CTNND2: variants seen among roughly 807,000 people sequenced by gnomAD.
CTNND2 encodes the protein catenin delta 2.
CTNND2 carries 22 observed loss-of-function variants against 144.4 expected under a neutral mutation model. The ratio of observed to expected loss-of-function variants is 0.15; its 90% CI spans 0.11 to 0.22. CTNND2 has a LOEUF of 0.22. Among genes scored for constraint, CTNND2 ranks in the 10% least tolerant of loss-of-function variants. The probability of loss-of-function intolerance (pLI) is 1.00; values close to 1 mark genes in which losing one functional copy is unlikely to be tolerated. For missense variants in CTNND2, 1,353 were observed against 1,618.8 expected (o/e 0.84, Z 2.82); for synonymous variants, 751 against 695.6 (o/e 1.08, Z -1.25).
At chr5:11,693,181 G>A (rs995446152) in intron 2 of CTNND2, among the ~76,000 whole-genome samples, 4 of 152,248 alleles carry the variant, frequency 2.6e-5, no homozygotes, top group South Asian at 2.1e-4. Flanking sequence ...ATGAGGACGC[G>A]GGAAAAAGAC....
intron 2 of CTNND2, among the ~76,000 whole-genome samples, chr5:11,656,868 C>T (rs960900642): frequency 1.3e-5 from 2 of 152,094 alleles, no homozygotes; most frequent in Admixed American, 6.6e-5. Flanking sequence ...CAATCACTTT[C>T]GGCCAGATGG....
rs559113887 is a variant in CTNND2, at chr5:11,729,003, T to C, written c.174+3133A>G. Among the ~76,000 whole-genome samples, 81 of 152,206 alleles carry C rather than the reference T, an allele frequency of 5.3e-4. 2 individuals are homozygous for C. Among genetic ancestry groups the C allele is most frequent in the African/African-American group, 1.5e-3 (63 of 41,542 alleles). ...ACAAATCCCCTAATGAAGGATAAGA[T>C]TGGTTGTTTGCATCAGGACATCCCC... On this transcript the variant is annotated intron_variant, in intron 2 of 21. Transcript: ENST00000304623.
rs1451506073 is a variant in CTNND2, at chr5:11,721,220, C to T, written c.174+10916G>A. Reference sequence around the variant, plus strand: ...AGCAATATAAGCCCTTTAGAAAAGACCATATATTTATAATTCCATTTACAT... The same window carrying T: ...AGCAATATAAGCCCTTTAGAAAAGATCATATATTTATAATTCCATTTACAT... On this transcript the variant is annotated intron_variant, in intron 2 of 21. Transcript: ENST00000304623. Among the ~76,000 whole-genome samples the T allele has an allele frequency of 2.0e-5, 3 of 152,090 alleles. No individual in the cohort carries two copies. In the East Asian group the frequency reaches 5.8e-4, roughly 29 times the overall value.
At chr5:11,743,386 G>A (rs749224952) in intron 1 of CTNND2, among the ~76,000 whole-genome samples, 1 of 152,158 alleles carries the variant, frequency 6.6e-6, no homozygotes, top group Non-Finnish European at 1.5e-5. Flanking sequence ...AGAATCCTAG[G>A]ACTAGTTTAA....
intron 3 of CTNND2, among the ~76,000 whole-genome samples, chr5:11,413,244 A>G (rs188622309): frequency 1.3e-5 from 2 of 152,332 alleles, no homozygotes; most frequent in East Asian, 3.9e-4. Flanking sequence ...ATTATATAAT[A>G]GTAACATATA....
intron 1 of CTNND2, among the ~76,000 whole-genome samples, chr5:11,773,438 T>C (rs185486955): frequency 2.8e-4 from 42 of 152,374 alleles, no homozygotes; most frequent in Non-Finnish European, 4.6e-4. Context: ...AATGTAGCCT[T>C]AGCCCCAGAT....
chr5:11,169,011 G>T (rs531211090), intron 11 of CTNND2, among the ~76,000 whole-genome samples: 3 of 152,288 alleles, frequency 2.0e-5, no homozygotes, highest in Admixed American at 2.0e-4. Flanking sequence ...TTAAGTGCTT[G>T]CTCTAGGAAA....
At chr5:11,801,814 G>A (rs1379622590) in intron 1 of CTNND2, among the ~76,000 whole-genome samples, 1 of 152,034 alleles carries the variant, frequency 6.6e-6, no homozygotes, top group Non-Finnish European at 1.5e-5. Context: ...GATCTAAATA[G>A]CAAATGTGTA....
At chr5:11,198,673 T>A (rs917425839) in intron 11 of CTNND2, among the ~76,000 whole-genome samples, 2 of 152,166 alleles carry the variant, frequency 1.3e-5, no homozygotes, top group Non-Finnish European at 2.9e-5. Flanking sequence ...AAACCAAATA[T>A]CACCTAGAAT....
At chr5:11,464,679 T>C (rs1766504314) in intron 3 of CTNND2, among the ~76,000 whole-genome samples, 1 of 152,090 alleles carries the variant, frequency 6.6e-6, no homozygotes, top group Non-Finnish European at 1.5e-5. Flanking sequence ...GGGGCAGAGA[T>C]ATACAGGTGA....
intron 1 of CTNND2, among the ~76,000 whole-genome samples, chr5:11,838,764 T>C (rs1304735736): frequency 6.6e-6 from 1 of 152,222 alleles, no homozygotes; most frequent in African/African-American, 2.4e-5. Context: ...TTCAATGTCT[T>C]TGATATTGTG....
At chr5:11,337,678 G>A (rs914386950) in intron 9 of CTNND2, among the ~76,000 whole-genome samples, 17 of 151,930 alleles carry the variant, frequency 1.1e-4, no homozygotes, top group East Asian at 1.9e-4. Flanking sequence ...ACAACATTGC[G>A]GATAATTATT....
chr5:11,430,995 T>A (rs1763242367), intron 3 of CTNND2, among the ~76,000 whole-genome samples: 1 of 152,208 alleles, frequency 6.6e-6, no homozygotes, highest in African/African-American at 2.4e-5. Flanking sequence ...TTAAAGGATA[T>A]CATAAAGATT....
intron 9 of CTNND2, among the ~76,000 whole-genome samples, chr5:11,309,392 C>G (rs910649145): frequency 4.6e-5 from 7 of 152,204 alleles, no homozygotes; most frequent in African/African-American, 1.7e-4. Flanking sequence ...GACATGGAGT[C>G]AAAGGAGATT....
At chr5:11,756,628 C>T (rs188740747) in intron 1 of CTNND2, among the ~76,000 whole-genome samples, 97 of 114,924 alleles carry the variant, frequency 8.4e-4, no homozygotes, top group African/African-American at 2.9e-3. Context: ...CCACACAAAT[C>T]GATATACACA....
intron 17 of CTNND2, among the ~76,000 whole-genome samples, chr5:11,022,156 G>A (rs1742325021): frequency 6.6e-6 from 1 of 152,030 alleles, no homozygotes; most frequent in Non-Finnish European, 1.5e-5. Flanking sequence ...GCACTGCCTG[G>A]GAAATTTCTA....
intron 3 of CTNND2, among the ~76,000 whole-genome samples, chr5:11,500,871 T>C (rs186265706): frequency 6.0e-4 from 91 of 152,284 alleles, no homozygotes; most frequent in African/African-American, 2.2e-3. Context: ...GCTCAGAAAA[T>C]ATCTAAGGAT....
intron 14 of CTNND2, among the ~76,000 whole-genome samples, chr5:11,100,083 G>A (rs1751740660): frequency 6.6e-6 from 1 of 152,148 alleles, no homozygotes; most frequent in Non-Finnish European, 1.5e-5. Context: ...GAAAATACAT[G>A]CTTACTTTTT....
At chr5:11,485,685 T>C (rs1173822469) in intron 3 of CTNND2, among the ~76,000 whole-genome samples, 2 of 152,190 alleles carry the variant, frequency 1.3e-5, no homozygotes, top group Non-Finnish European at 2.9e-5. Context: ...GAAAATTATG[T>C]ACCATTTTGG....
Sources: allele counts gnomAD v4.1 joint callset (sites outside exome capture counted in the v4.1 genomes callset), GRCh38; gene constraint gnomAD v4.1.1; transcripts MANE v1.5; gene names NCBI Gene and HGNC (gene_info 2026-07-23, HGNC 2026-07-21).